Variants in OCA2 observed in about 807,000 individuals in gnomAD.
OCA2 encodes OCA2 melanosomal transmembrane protein.
OCA2 carries 77 observed loss-of-function variants against 100.2 expected under a neutral mutation model. The ratio of observed to expected loss-of-function variants is 0.77; its 90% confidence interval spans 0.64 to 0.93. The LOEUF (loss-of-function observed/expected upper bound fraction) is 0.93, where lower values mean the gene tolerates loss of function less well. Among genes scored for constraint, OCA2 ranks in the 40% least tolerant of loss-of-function variants. The probability of loss-of-function intolerance (pLI) is 0.00; values close to 1 mark genes in which losing one functional copy is unlikely to be tolerated. For missense variants in OCA2, 1,062 were observed against 1,089.1 expected (o/e 0.98, Z 0.35); for synonymous variants, 432 against 439.2 (o/e 0.98, Z 0.21).
chr15:27,820,648 G>C (rs2034469928), intron 23 of OCA2, among the ~76,000 whole-genome samples: 1 of 152,182 alleles, frequency 6.6e-6, no homozygotes, highest in Non-Finnish European at 1.5e-5. Flanking sequence ...AACAGAAAAG[G>C]ATATCAAGGA....
intron 19 of OCA2, among the ~76,000 whole-genome samples, chr15:27,889,356 G>C (rs1458038734): frequency 6.6e-6 from 1 of 152,160 alleles, no homozygotes; most frequent in Non-Finnish European, 1.5e-5. Context: ...ACAGAAACAA[G>C]AACTGCAGCT....
chr15:28,037,464 G>T (rs545779156), intron 2 of OCA2, among the ~76,000 whole-genome samples: 1 of 152,126 alleles, frequency 6.6e-6, no homozygotes, highest in African/African-American at 2.4e-5. Context: ...GAGACAGGCC[G>T]CAGACAGCAG....
chr15:28,013,681 T>C (rs2042303319), intron 9 of OCA2, among the ~76,000 whole-genome samples: 2 of 151,988 alleles, frequency 1.3e-5, no homozygotes, highest in South Asian at 4.2e-4. Flanking sequence ...AGGAGACCTT[T>C]CAGAAGCCCA....
At chr15:27,902,229 AT>A (rs2037976197) in intron 19 of OCA2, among the ~76,000 whole-genome samples, 1 of 144,212 alleles carries the variant, frequency 6.9e-6, no homozygotes, top group Non-Finnish European at 1.5e-5. Context: ...GTTTTTTTCT[AT>A]TTTTAGCAAA....
chr15:27,873,031 A>G (rs1467709714), intron 19 of OCA2, among the ~76,000 whole-genome samples: 1 of 152,152 alleles, frequency 6.6e-6, no homozygotes, highest in Non-Finnish European at 1.5e-5. Context: ...CTCAATCTGC[A>G]TGTACAGTTG....
In OCA2 at chr15:27,871,027, C is replaced by T. The variant is rs12594397; in HGVS notation, c.2244+127G>A. On this transcript the variant is annotated intron_variant, in intron 21 of 23. Transcript: ENST00000354638. ...AGCTGCCCTGGGCTCTGCTCACTTT[C>T]GTCCTCTACACCTGTGAGTGCAGCA... is the stretch of plus-strand genomic sequence containing the variant. 284,365 of 763,898 alleles carry T rather than the reference C, an allele frequency of 0.37. 54,692 individuals are homozygous for T. Among genetic ancestry groups the T allele is most frequent in the Middle Eastern group, 0.49 (2,141 of 4,354 alleles). 47.3% of individuals were successfully genotyped at this position (763,898 alleles called of 1,614,324 possible). A position where few individuals can be genotyped will look rare whatever the true frequency, so the allele number is the denominator to read the frequency against.
intron 23 of OCA2, among the ~76,000 whole-genome samples, chr15:27,773,300 A>G (rs892903030): frequency 6.6e-6 from 1 of 152,200 alleles, no homozygotes; most frequent in East Asian, 1.9e-4. Context: ...TAATGAGAAT[A>G]AATCTATATA....
Position 27,896,030 on chromosome 15 carries a change from T to C in OCA2, c.2080-24108A>G. ...TGGCCTGCAGGCTTCTCAATAGGTTTGGCATGGAAAAGATCTATGAAGGCC... is the reference window on the plus strand; with the variant it reads ...TGGCCTGCAGGCTTCTCAATAGGTTCGGCATGGAAAAGATCTATGAAGGCC... On this transcript the variant is annotated intron_variant, in intron 19 of 23. Coordinates refer to ENST00000354638, the MANE Select transcript of OCA2 (RefSeq NM_000275.3). 1.8e-6 allele frequency: 2 copies of C among 1,088,884 alleles called. 1 individual carries two copies. Among genetic ancestry groups the C allele is most frequent in the South Asian group, 2.5e-5 (2 of 80,616 alleles). 67.5% of individuals were successfully genotyped at this position (1,088,884 alleles called of 1,614,324 possible).
At chr15:28,049,917 G>C (rs2043457616) in intron 2 of OCA2, among the ~76,000 whole-genome samples, 1 of 152,140 alleles carries the variant, frequency 6.6e-6, no homozygotes, top group South Asian at 2.1e-4. Flanking sequence ...TAATGCCATT[G>C]AATTGTACAC....
intron 18 of OCA2, among the ~76,000 whole-genome samples, chr15:27,941,611 G>A (rs967689333): frequency 1.3e-5 from 2 of 152,232 alleles, no homozygotes; most frequent in Admixed American, 6.5e-5. Flanking sequence ...ATCCCCGCAT[G>A]TGGAGAATCA....
chr15:27,925,495 G>T (rs1385074097), intron 19 of OCA2, among the ~76,000 whole-genome samples: 1 of 152,102 alleles, frequency 6.6e-6, no homozygotes, highest in Non-Finnish European at 1.5e-5. Context: ...GTCAAAAAAA[G>T]AAATTATATG....
At chr15:27,781,989 T>C (rs2032566562) in intron 23 of OCA2, among the ~76,000 whole-genome samples, 1 of 152,240 alleles carries the variant, frequency 6.6e-6, no homozygotes, top group South Asian at 2.1e-4. Flanking sequence ...AGAGACACAC[T>C]GTGGAAAAAA....
chr15:27,927,917 G>A (rs1287636276), intron 18 of OCA2, among the ~76,000 whole-genome samples: 1 of 149,934 alleles, frequency 6.7e-6, no homozygotes, highest in Non-Finnish European at 1.5e-5. Flanking sequence ...TCAGCCTCCC[G>A]AGTAGCTGGG....
chr15:28,044,591 C>A (rs74007931), intron 2 of OCA2, among the ~76,000 whole-genome samples: 9,755 of 152,242 alleles, frequency 0.064, 1,039 homozygotes, highest in African/African-American at 0.22. Flanking sequence ...GATTTTCTGT[C>A]TATTTGTTCT....
rs2040287099 is a variant in OCA2, at chr15:27,957,994, T to G, written c.1637-259A>C. 6.6e-6 allele frequency among the ~76,000 whole-genome samples: 1 copy of G among 152,094 alleles called. No homozygotes were observed. Among genetic ancestry groups the G allele is most frequent in the Admixed American group, 6.5e-5 (1 of 15,278 alleles). On this transcript the variant is annotated intron_variant, in intron 15 of 23. Transcript: ENST00000354638. This position sits in a 1 kb window ranked among gnomAD's most constrained non-coding sequence, Gnocchi z 4.3. ...CATGTTCTCACTCATAGGTGGGAATTGAACAATGAGAACACTTGGACATAG... is the reference window on the plus strand; with the variant it reads ...CATGTTCTCACTCATAGGTGGGAATGGAACAATGAGAACACTTGGACATAG...
chr15:27,915,865 A>G (rs947425800), intron 19 of OCA2, among the ~76,000 whole-genome samples: 1 of 152,208 alleles, frequency 6.6e-6, no homozygotes, highest in African/African-American at 2.4e-5. Flanking sequence ...AAAGGAATAT[A>G]AATCATTCTA....
At chr15:28,046,548 C>T (rs1416616160) in intron 2 of OCA2, among the ~76,000 whole-genome samples, 1 of 152,176 alleles carries the variant, frequency 6.6e-6, no homozygotes, top group Non-Finnish European at 1.5e-5. Flanking sequence ...CCATCTCCTA[C>T]CATGCCCCAT....
chr15:27,840,277 A>G (rs1199838116), intron 23 of OCA2, among the ~76,000 whole-genome samples: 1 of 152,216 alleles, frequency 6.6e-6, no homozygotes, highest in African/African-American at 2.4e-5. Context: ...GAAATACATC[A>G]AAGTCTTATT....
At chr15:27,826,772 C>T (rs1359609239) in intron 23 of OCA2, among the ~76,000 whole-genome samples, 1 of 152,246 alleles carries the variant, frequency 6.6e-6, no homozygotes, top group Non-Finnish European at 1.5e-5. Context: ...CATCGAGACT[C>T]CCCACTGCAT....
Sources: allele counts gnomAD v4.1 joint callset (sites outside exome capture counted in the v4.1 genomes callset), GRCh38; gene constraint gnomAD v4.1.1; non-coding constraint Gnocchi (gnomAD v3.1); transcripts MANE v1.5; gene names NCBI Gene and HGNC (gene_info 2026-07-23, HGNC 2026-07-21).